The following MARCO variants were observed in gnomAD, a reference collection of about 807,000 sequenced individuals.
The protein encoded by MARCO is macrophage receptor MARCO.
A neutral mutation model predicts 70.0 loss-of-function variants in MARCO; 72 were observed. The ratio of observed to expected loss-of-function variants is 1.03; its 90% CI spans 0.85 to 1.25. The LOEUF is 1.25. MARCO is among the 50% of genes most tolerant of loss of function. The pLI, the probability that MARCO is intolerant of heterozygous loss-of-function variation, is 0.00. For synonymous variants in MARCO, 273 were observed against 243.1 expected (o/e 1.12, Z -1.14); for missense variants, 696 against 659.3 (o/e 1.06, Z -0.61).
Position 118,974,346 on chromosome 2 carries a change from C to G in MARCO, c.474C>G (p.His158Gln). The G allele has an allele frequency of 1.2e-6, 2 of 1,601,350 alleles. No individual in the cohort carries two copies. Among genetic ancestry groups the G allele is most frequent in the Non-Finnish European group, 1.7e-6 (2 of 1,173,862 alleles). ...GEQGAPGLQG[H>Q]KGAMGMPGAP... ...CCTCTTCCTCAGGTCTTCAAGGTCA[C>G]AAGGGGGCCATGGGCATGCCTGGTG... The change falls in exon 5 of 17, where the codon CAC becomes CAG. Residue 158 changes from histidine (H) to glutamine (Q), a missense_variant. His to Gln is a conservative substitution (Grantham distance 24, BLOSUM62 0). Transcript: ENST00000327097.
intron 12 of MARCO, among the ~76,000 whole-genome samples, chr2:118,986,613 GAAA>G (rs1680494283): frequency 4.9e-5 from 1 of 20,392 alleles, no homozygotes; most frequent in Non-Finnish European, 8.2e-5. Flanking sequence ...AAGAAAGAAA[GAAA>G]GAAAGAAAGA....
intron 1 of MARCO, among the ~76,000 whole-genome samples, chr2:118,946,228 A>C (rs752054620): frequency 6.6e-6 from 1 of 152,176 alleles, no homozygotes; most frequent in Non-Finnish European, 1.5e-5. Context: ...ATATTGGTGC[A>C]ATCCATAGAG....
At chr2:118,977,606 C>G (rs1203923870) in intron 7 of MARCO, 91 bp downstream of exon 7, 11 of 1,132,800 alleles carry the variant, frequency 9.7e-6, no homozygotes, top group Non-Finnish European at 1.3e-5. Flanking sequence ...TTTCCACAGC[C>G]CCACCCCAGC....
chr2:118,966,418 C>T (rs1003923083), intron 1 of MARCO, among the ~76,000 whole-genome samples: 2 of 152,138 alleles, frequency 1.3e-5, no homozygotes, highest in African/African-American at 4.8e-5. Context: ...TTCTTCTACC[C>T]TCTAAGAGAT....
intron 12 of MARCO, among the ~76,000 whole-genome samples, chr2:118,983,766 T>C (rs1279985596): frequency 6.6e-6 from 1 of 152,146 alleles, no homozygotes; most frequent in Non-Finnish European, 1.5e-5. Flanking sequence ...TGGAGATGAT[T>C]GCTTTCATCT....
intron 12 of MARCO, among the ~76,000 whole-genome samples, chr2:118,987,420 C>T (rs1680537854): frequency 1.3e-5 from 2 of 152,202 alleles, no homozygotes; most frequent in Admixed American, 1.3e-4. Context: ...CCAGTGTTCT[C>T]TTAGAGTCCA....
intron 1 of MARCO, among the ~76,000 whole-genome samples, chr2:118,942,978 G>A (rs920452399): frequency 6.6e-6 from 1 of 152,180 alleles, no homozygotes; most frequent in Non-Finnish European, 1.5e-5. Context: ...TTCTCACTCA[G>A]CATTCAACAG....
chr2:118,955,027 A>T (rs779105699), intron 1 of MARCO, among the ~76,000 whole-genome samples: 2 of 145,760 alleles, frequency 1.4e-5, no homozygotes, highest in African/African-American at 2.7e-5. Flanking sequence ...CCACACCCTC[A>T]ACCCCCGCCC....
Position 118,981,427 on chromosome 2 carries a change from GC to G in MARCO, c.786del (p.Met263Ter), listed in dbSNP as rs756727232. ...LGLPGSKGDR[G>X]MKGDAGVMGP... ...TTTTCAGGAAGCAAAGGGGACAGGG[GC>G]ATGAAAGGAGATGCAGGGGTCATGG... On this transcript the variant is annotated frameshift_variant, in exon 9 of 17. Transcript: ENST00000327097. LOFTEE classifies it high-confidence loss of function. 2.2e-5 allele frequency: 36 copies of G among 1,600,240 alleles called. No individual in the cohort carries two copies. The highest frequency in any genetic ancestry group is 3.1e-5 in the Non-Finnish European group (36 of 1,176,902).
chr2:118,950,140 A>G (rs1192496738), intron 1 of MARCO, among the ~76,000 whole-genome samples: 1 of 152,184 alleles, frequency 6.6e-6, no homozygotes, highest in Non-Finnish European at 1.5e-5. Context: ...ATATGATTTT[A>G]TACTAGAAAA....
chr2:118,970,490 C>A, intron 3 of MARCO, 152 bp downstream of exon 3: 2 of 636,774 alleles, frequency 3.1e-6, no homozygotes, highest in South Asian at 3.7e-5. Context: ...CAAGTCTGAA[C>A]CCAGAGTCCC....
At chr2:118,965,082 T>C (rs1477883949) in intron 1 of MARCO, among the ~76,000 whole-genome samples, 1 of 152,148 alleles carries the variant, frequency 6.6e-6, no homozygotes, top group Admixed American at 6.6e-5. Context: ...CTTTAATCTG[T>C]AGGTTTAGAT....
At chr2:118,973,636 A>G (rs2104583536) in intron 4 of MARCO, among the ~76,000 whole-genome samples, 1 of 152,206 alleles carries the variant, frequency 6.6e-6, no homozygotes, top group South Asian at 2.1e-4. Flanking sequence ...TCCAGAGACA[A>G]ATAGGTGGGT....
rs779257937 is a variant in MARCO, at chr2:118,942,351, A to G, written c.51A>G (p.Gln17=). The change falls in exon 1 of 17, where the codon CAA becomes CAG. Residue 17 remains glutamine (Q), a synonymous_variant. Coordinates refer to ENST00000327097, the MANE Select transcript of MARCO (RefSeq NM_006770.4). ...AGGACGAGCTCTTGAGTGAGACCCA[A>G]CAAGCTGCTTTTCACCAAATTGCAA... The part of the protein sequence containing the change: ...LKEDELLSET[Q]QAAFHQIAME... The G allele has an allele frequency of 1.5e-5, 25 of 1,613,822 alleles. 1 individual carries two copies. In the South Asian group the frequency reaches 2.6e-4, roughly 17 times the overall value.
intron 1 of MARCO, among the ~76,000 whole-genome samples, chr2:118,952,150 G>T (rs1396225143): frequency 1.3e-5 from 2 of 152,118 alleles, no homozygotes; most frequent in African/African-American, 2.4e-5. Flanking sequence ...GGAGGTTTGT[G>T]TGAGGTTCAA....
chr2:118,964,887 C>CA (rs35141497), intron 1 of MARCO, among the ~76,000 whole-genome samples: 19,103 of 133,158 alleles, frequency 0.14, 1,506 homozygotes, highest in Non-Finnish European at 0.18. Flanking sequence ...GATACCATCT[C>CA]AAAAAAAAAA....
At chr2:118,977,095 T>A (rs1680296299) in intron 6 of MARCO, among the ~76,000 whole-genome samples, 1 of 152,224 alleles carries the variant, frequency 6.6e-6, no homozygotes, top group Non-Finnish European at 1.5e-5. Context: ...TCACTCCATC[T>A]TGCCAGATGG....
chr2:118,955,200 A>C (rs1679811883), intron 1 of MARCO, among the ~76,000 whole-genome samples: 2 of 152,180 alleles, frequency 1.3e-5, no homozygotes, highest in African/African-American at 4.8e-5. Flanking sequence ...AAATCTAAAA[A>C]ATTATATGAG....
Position 118,974,418 on chromosome 2 carries a change from T to A in MARCO, c.546T>A (p.Ala182=), listed in dbSNP as rs765594111. 6.2e-7 allele frequency: 1 copy of A among 1,612,854 alleles called. No homozygotes were observed. Among genetic ancestry groups the A allele is most frequent in the South Asian group, 1.1e-5 (1 of 90,684 alleles). The stretch of plus-strand genomic sequence containing the variant: ...CTGCTGAGAAGGGAGCCAAGGGGGC[T>A]ATGGGACGAGATGGAGCAACAGGTA... The part of the protein sequence containing the change: ...GPPAEKGAKG[A]MGRDGATGPS... The change falls in exon 5 of 17, where the codon GCT becomes GCA. Residue 182 remains alanine (A), a synonymous_variant. Transcript: ENST00000327097.
Sources: allele counts gnomAD v4.1 joint callset (sites outside exome capture counted in the v4.1 genomes callset), GRCh38; gene constraint gnomAD v4.1.1; transcripts MANE v1.5; gene names NCBI Gene and HGNC (gene_info 2026-07-23, HGNC 2026-07-21).